Variants in NRXN1 observed in about 807,000 individuals in gnomAD.
The protein encoded by NRXN1 is neurexin-1.
In NRXN1, 39 loss-of-function variants were observed where a neutral mutation model predicts 150.9. The observed-to-expected ratio is 0.26, with a 90% CI of 0.20 to 0.34. NRXN1 has a LOEUF of 0.34. NRXN1 is among the 10% of genes least tolerant of loss of function. NRXN1 has a pLI of 1.00. For missense variants in NRXN1, 1,815 were observed against 1,949.9 expected, an observed-to-expected ratio of 0.93 and a Z score of 1.30; for synonymous variants, 924 against 757.0, an observed-to-expected ratio of 1.22 and a Z score of -3.62.
intron 18 of NRXN1, among the ~76,000 whole-genome samples, chr2:50,092,851 C>G (rs1468137933): frequency 1.3e-5 from 2 of 152,058 alleles, no homozygotes; most frequent in East Asian, 1.9e-4. Flanking sequence ...TATAAGTTAG[C>G]ATGCTTACAA....
At chr2:49,970,131 G>C (rs973132972) in intron 21 of NRXN1, 1 of 151,892 alleles carries the variant, frequency 6.6e-6, no homozygotes, top group Non-Finnish European at 1.5e-5. Context: ...TATAACAAAA[G>C]GCTATACATT....
chr2:50,977,153 TACCA>T (rs1695971048), intron 2 of NRXN1, among the ~76,000 whole-genome samples: 1 of 151,966 alleles, frequency 6.6e-6, no homozygotes, highest in African/African-American at 2.4e-5. Context: ...GATGCTTCAT[TACCA>T]TTTAAAATAC....
chr2:50,059,664 T>C (rs1034348106), intron 19 of NRXN1, among the ~76,000 whole-genome samples: 1 of 152,018 alleles, frequency 6.6e-6, no homozygotes, highest in Non-Finnish European at 1.5e-5. Flanking sequence ...AAAAATGTTT[T>C]TGTGGGCTGA....
intron 5 of NRXN1, among the ~76,000 whole-genome samples, chr2:50,887,714 A>T (rs1680465330): frequency 6.6e-6 from 1 of 151,344 alleles, no homozygotes; most frequent in Non-Finnish European, 1.5e-5. Flanking sequence ...CATTTATTTA[A>T]TTTTTCTATC....
chr2:50,452,469 G>C (rs372000391), intron 17 of NRXN1, among the ~76,000 whole-genome samples: 2 of 152,262 alleles, frequency 1.3e-5, no homozygotes, highest in East Asian at 3.9e-4. Flanking sequence ...CCACACAGCT[G>C]AAGTGACTTG....
At chr2:50,591,014 T>C (rs1487249554) in intron 8 of NRXN1, among the ~76,000 whole-genome samples, 1 of 152,170 alleles carries the variant, frequency 6.6e-6, no homozygotes, top group Admixed American at 6.5e-5. Context: ...TTTTATTAAG[T>C]GTTTTAACGT....
chr2:50,218,020 C>T (rs1168592156), intron 18 of NRXN1, among the ~76,000 whole-genome samples: 1 of 151,964 alleles, frequency 6.6e-6, no homozygotes, highest in Non-Finnish European at 1.5e-5. Context: ...TGGCACACTC[C>T]TCTCCCATAC....
intron 5 of NRXN1, among the ~76,000 whole-genome samples, chr2:50,886,666 G>A (rs1433366133): frequency 1.3e-5 from 2 of 151,420 alleles, no homozygotes; most frequent in East Asian, 1.9e-4. Context: ...CTGGGTGGGA[G>A]TGTTTGTGTG....
In NRXN1 at chr2:50,053,494, T is replaced by C. The variant is rs761776814; in HGVS notation, c.3905A>G (p.Tyr1302Cys). 2 of 1,614,106 alleles carry C rather than the reference T, an allele frequency of 1.2e-6. No individual in the cohort carries two copies. Among genetic ancestry groups the C allele is most frequent in the Non-Finnish European group, 1.7e-6 (2 of 1,179,950 alleles). The change falls in exon 21 of 23, where the codon TAC (tyrosine) becomes TGC (cysteine). Residue 1302 changes from tyrosine to cysteine, a missense_variant. Transcript: ENST00000401669. ...PFQGQLSGLY[Y>C]NGLKVLNMAA... ...CATATTCAGAACTTTCAAGCCATTG[T>C]AGTACAGCCCAGAGAGCTGGCCCTG...
chr2:50,265,650 G>A (rs983284935), intron 17 of NRXN1, among the ~76,000 whole-genome samples: 2 of 152,074 alleles, frequency 1.3e-5, no homozygotes, highest in African/African-American at 4.8e-5. Flanking sequence ...GCAAGACATA[G>A]CACAATTCTT....
At chr2:50,224,978 A>G (rs1237610211) in intron 18 of NRXN1, among the ~76,000 whole-genome samples, 3 of 152,016 alleles carry the variant, frequency 2.0e-5, no homozygotes, top group Non-Finnish European at 2.9e-5. Flanking sequence ...TGTGTGTAGT[A>G]TTTGAATCTG....
intron 8 of NRXN1, among the ~76,000 whole-genome samples, chr2:50,598,431 C>G (rs1259565090): frequency 1.3e-5 from 2 of 151,146 alleles, no homozygotes; most frequent in Admixed American, 1.3e-4. Context: ...ATAAAATAAA[C>G]TTTTTTAAAT....
intron 21 of NRXN1, among the ~76,000 whole-genome samples, chr2:50,039,941 G>C (rs1205014943): frequency 6.6e-6 from 1 of 152,112 alleles, no homozygotes; most frequent in Non-Finnish European, 1.5e-5. Flanking sequence ...CCTTTGAGTA[G>C]TCCAGGTAAT....
At chr2:50,668,694 T>G (rs1032209341) in intron 5 of NRXN1, among the ~76,000 whole-genome samples, 1 of 151,970 alleles carries the variant, frequency 6.6e-6, no homozygotes, top group African/African-American at 2.4e-5. Context: ...GGCATTCTGA[T>G]GTGTAAAAGT....
chr2:50,071,655 C>G (rs1696313090), intron 19 of NRXN1, among the ~76,000 whole-genome samples: 1 of 152,168 alleles, frequency 6.6e-6, no homozygotes, highest in African/African-American at 2.4e-5. Context: ...AAATTTCTCT[C>G]ATTTAAGCTA....
chr2:50,996,452 T>C (rs1213608010), intron 2 of NRXN1, among the ~76,000 whole-genome samples: 2 of 152,128 alleles, frequency 1.3e-5, no homozygotes, highest in East Asian at 3.9e-4. Context: ...TACATGTATG[T>C]ATGTATTTAT....
At chr2:50,758,542 A>G (rs1354519752) in intron 5 of NRXN1, among the ~76,000 whole-genome samples, 1 of 151,886 alleles carries the variant, frequency 6.6e-6, no homozygotes, top group Non-Finnish European at 1.5e-5. Context: ...TCCTGGGCTC[A>G]AGCAATCCTT....
intron 5 of NRXN1, among the ~76,000 whole-genome samples, chr2:50,866,613 T>C (rs1477497713): frequency 2.6e-5 from 4 of 151,960 alleles, no homozygotes; most frequent in Non-Finnish European, 4.4e-5. Flanking sequence ...TATATAGTTA[T>C]AATTTACACG....
chr2:50,696,174 ACGTGTG>A lies in NRXN1; in HGVS notation c.833-72565_833-72560del, dbSNP rs1435587709. 3 of 92,534 alleles carry A rather than the reference ACGTGTG, an allele frequency of 3.2e-5. No individual in the cohort carries two copies. In the Admixed American group the frequency reaches 4.1e-4, roughly 13 times the overall value. 5.7% of individuals were successfully genotyped at this position (92,534 alleles called of 1,614,324 possible). ...GGAAATTTTAAAAGACAGTACATAT[ACGTGTG>A]TGTGTGTGTGTGTGTGTGTGTGTGT... is the stretch of plus-strand genomic sequence containing the variant. On this transcript the variant is annotated intron_variant, in intron 5 of 22. Coordinates refer to ENST00000401669, the MANE Select transcript of NRXN1 (RefSeq NM_001330078.2).
Sources: gnomAD v4.1 joint callset for allele counts (sites outside exome capture counted in the v4.1 genomes callset) on GRCh38, gnomAD v4.1.1 for gene constraint, MANE v1.5 for transcripts, NCBI Gene and HGNC (gene_info 2026-07-23, HGNC 2026-07-21) for gene names.